The following ADAM8 variants were observed in gnomAD, a reference collection of about 807,000 sequenced individuals.
ADAM8 encodes disintegrin and metalloproteinase domain-containing protein 8.
ADAM8 carries 104 observed loss-of-function variants against 102.4 expected under a neutral mutation model. The observed-to-expected ratio is 1.02, with a 90% CI of 0.87 to 1.20. The LOEUF (loss-of-function observed/expected upper bound fraction) is 1.20. Ranked by LOEUF, ADAM8 falls within the 50% of genes most tolerant of loss-of-function variation. The pLI is 0.00. For missense variants in ADAM8, 1,132 were observed against 1,159.0 expected (o/e 0.98, Z 0.34); for synonymous variants, 517 against 485.2 (o/e 1.07, Z -0.86).
In ADAM8 at chr10:133,275,072, A is replaced by C. The variant is rs538052915; in HGVS notation, c.150+412T>G. 2.1e-5 allele frequency: 6 copies of C among 282,658 alleles called. No homozygotes were observed. The East Asian group carries it at 8.4e-4, about 40-fold the overall frequency. The allele number at this position is 282,658 out of a possible 1,614,324, so 17.5% of individuals were successfully genotyped here. ...CAGGCTTCAGGAATCACCCTCGGGCAGCCCCAGTCGGGGAGGGGGGCATTC... is the reference window on the plus strand; with the variant it reads ...CAGGCTTCAGGAATCACCCTCGGGCCGCCCCAGTCGGGGAGGGGGGCATTC... On this transcript the variant is annotated intron_variant, in intron 2 of 22. Transcript: ENST00000445355.
At position 133,272,093 on chromosome 10, in the gene ADAM8, C is replaced by T. The variant is rs765816834; in HGVS notation, c.957+100G>A. 3 of 1,508,518 alleles carry T rather than the reference C, an allele frequency of 2.0e-6. No homozygotes were observed. The African/African-American group carries it at 4.2e-5, about 21-fold the overall frequency. The allele number at this position is 1,508,518 out of a possible 1,614,324, so 93.4% of individuals were successfully genotyped here. ...CATAAAATCAGGCATTAAACCTGGCCTGAGGGGAGGTGGCCTGCTCCAGAG... is the reference window on the plus strand; with the variant it reads ...CATAAAATCAGGCATTAAACCTGGCTTGAGGGGAGGTGGCCTGCTCCAGAG... On this transcript the variant is annotated intron_variant, in intron 10 of 22. Coordinates refer to ENST00000445355, the MANE Select transcript of ADAM8 (RefSeq NM_001109.5).
Position 133,272,580 on chromosome 10 carries a change from A to T in ADAM8, c.711T>A (p.Tyr237Ter). 1 of 1,608,532 alleles carries T rather than the reference A, an allele frequency of 6.2e-7. No homozygotes were observed. Among genetic ancestry groups the T allele is most frequent in the Non-Finnish European group, 8.5e-7 (1 of 1,178,048 alleles). ...LEVVNHVDKLYQKLNFRVVLV... is the reference protein window; with the variant it reads ...LEVVNHVDKL ...GGACCACACGGAAGTTGAGTTTCTG[A>T]TATAGCTGGAGAGGTGGTGGAGTCC... is the stretch of plus-strand genomic sequence containing the variant. The change falls in exon 9 of 23, where the codon TAT becomes TAA. Residue 237 changes from tyrosine (Y) to a stop codon, truncating the protein, a stop_gained. Coordinates refer to ENST00000445355, the MANE Select transcript of ADAM8 (RefSeq NM_001109.5). LOFTEE classifies it high-confidence loss of function.
intron 19 of ADAM8, 57 bp from the exon 20 acceptor site, chr10:133,268,175 C>T (rs1386291466): frequency 2.4e-6 from 3 of 1,233,410 alleles, no homozygotes; most frequent in Admixed American, 4.1e-5. Context: ...CCCAGCACCA[C>T]ACCCCGAGTC....
chr10:133,264,109 T>C (rs543133716), intron 21 of ADAM8, among the ~76,000 whole-genome samples: 3 of 146,230 alleles, frequency 2.1e-5, no homozygotes, highest in Non-Finnish European at 3.0e-5. Flanking sequence ...TCACCCAGAC[T>C]GGAGTGCAGT....
intron 6 of ADAM8, 83 bp downstream of exon 6, chr10:133,273,171 C>T (rs1029137444): frequency 8.2e-6 from 13 of 1,581,034 alleles, no homozygotes; most frequent in Non-Finnish European, 1.1e-5. Context: ...CAGCACCCAG[C>T]ACATGGGGAG....
rs747891872 is a variant in ADAM8, at chr10:133,270,915, T to G, written c.1530A>C (p.Thr510=). The G allele has an allele frequency of 1.2e-6, 2 of 1,612,556 alleles. No individual in the cohort carries two copies. Among genetic ancestry groups the G allele is most frequent in the South Asian group, 1.1e-5 (1 of 91,068 alleles). ...GGYCYNGACP[T]LAQQCQAFWG... ...AGAAGGCCTGGCACTGCTGGGCCAGTGTGGGACAGGCCCCGTTGTAGCAGT... is the reference window on the plus strand; with the variant it reads ...AGAAGGCCTGGCACTGCTGGGCCAGGGTGGGACAGGCCCCGTTGTAGCAGT... Residue 510 remains threonine (T), a synonymous_variant, in exon 14 of 23, where the codon ACA becomes ACC. Transcript: ENST00000445355.
At chr10:133,266,790 A>G (rs1460013764) in intron 21 of ADAM8, among the ~76,000 whole-genome samples, 1 of 152,154 alleles carries the variant, frequency 6.6e-6, no homozygotes, top group Non-Finnish European at 1.5e-5. Flanking sequence ...GCTGAGGCCA[A>G]TGAGCTGCCC....
At chr10:133,275,337 C>T (rs938279970) in intron 2 of ADAM8, 147 bp downstream of exon 2, 35 of 602,800 alleles carry the variant, frequency 5.8e-5, no homozygotes, top group African/African-American at 4.3e-4. Context: ...GAGGGAGGAA[C>T]GGAGATGGGC....
At chr10:133,267,814 G>A (rs1351772833) in intron 20 of ADAM8, 115 bp downstream of exon 20, 2 of 1,072,122 alleles carry the variant, frequency 1.9e-6, no homozygotes, top group Non-Finnish European at 2.4e-6. Flanking sequence ...GCCACCGCTG[G>A]CCTGTGCGTG....
chr10:133,265,246 C>T (rs1846289768), intron 21 of ADAM8, among the ~76,000 whole-genome samples: 2 of 144,198 alleles, frequency 1.4e-5, no homozygotes, highest in Non-Finnish European at 3.0e-5. Context: ...GCAGCCTCTG[C>T]CCCATCTACC....
chr10:133,276,805 C>G lies in ADAM8; in HGVS notation c.13G>C (p.Gly5Arg). The G allele has an allele frequency of 6.5e-7, 1 of 1,530,022 alleles. No homozygotes were observed. The highest frequency in any genetic ancestry group is 8.8e-7 in the Non-Finnish European group (1 of 1,141,298). 94.8% of individuals were successfully genotyped at this position (1,530,022 alleles called of 1,614,324 possible). The change falls in exon 1 of 23, where the codon GGG (glycine) becomes CGG (arginine). Residue 5 changes from glycine (G) to arginine (R), a missense_variant. Coordinates refer to ENST00000445355, the MANE Select transcript of ADAM8 (RefSeq NM_001109.5). ...ATCATCGCGCCCAGCAGCCAGAGCC[C>G]GAGGCCGCGCATGGCCGGGTCGGGG... MRGL[G>R]LWLLGAMMLP...
Position 133,273,742 on chromosome 10 carries a change from C to T in ADAM8, c.383+20G>A, listed in dbSNP as rs774788598. On this transcript the variant is annotated intron_variant, in intron 5 of 22. Coordinates refer to ENST00000445355, the MANE Select transcript of ADAM8 (RefSeq NM_001109.5). Reference sequence around the variant, plus strand: ...TCCTCTCCACCTGCGGGAGCCCTGGCGTTCGTCCGCCACACCCACCTGAGG... The same window carrying T: ...TCCTCTCCACCTGCGGGAGCCCTGGTGTTCGTCCGCCACACCCACCTGAGG... 1.6e-5 allele frequency: 24 copies of T among 1,544,858 alleles called. No homozygotes were observed. Among genetic ancestry groups the T allele is most frequent in the Middle Eastern group, 4.4e-4 (2 of 4,590 alleles).
At chr10:133,267,542 G>A in intron 20 of ADAM8, 125 bp from the exon 21 acceptor site, 1 of 967,482 alleles carries the variant, frequency 1.0e-6, no homozygotes. Flanking sequence ...GCGGCCCACA[G>A]GGCCCCACCC....
Position 133,271,045 on chromosome 10 carries a change from CG to C in ADAM8, c.1399del (p.Arg467ValfsTer178), listed in dbSNP as rs1846506202. 6.2e-7 allele frequency: 1 copy of C among 1,611,878 alleles called. No homozygotes were observed. ...GAGGTCACACATGTCCTTCTTGGGA[CG>C]GCACAGCTCACCAGCCGGCTTCACC... ...CKVKPAGELC[R>X]PKKDMCDLEE... is the part of the protein sequence containing the mutation. On this transcript the variant is annotated frameshift_variant, in exon 14 of 23. Coordinates refer to ENST00000445355, the MANE Select transcript of ADAM8 (RefSeq NM_001109.5). LOFTEE classifies it high-confidence loss of function.
rs1047521796 is a variant in ADAM8, at chr10:133,275,937, C to T, written c.47-350G>A. The T allele has an allele frequency of 3.7e-5, 9 of 241,830 alleles. No individual in the cohort carries two copies. In the East Asian group the frequency reaches 6.5e-4, roughly 17 times the overall value. The allele number at this position is 241,830 out of a possible 1,614,324, so 15.0% of individuals were successfully genotyped here. A position where few individuals can be genotyped will look rare whatever the true frequency, so the allele number is the denominator to read the frequency against. Reference sequence around the variant, plus strand: ...TCCCCCCAGGGAGGAGGACTCGGGCCGCCGACCTGCCCGTTTCCATTCTCC... The same window carrying T: ...TCCCCCCAGGGAGGAGGACTCGGGCTGCCGACCTGCCCGTTTCCATTCTCC... On this transcript the variant is annotated intron_variant, in intron 1 of 22. Transcript: ENST00000445355.
intron 21 of ADAM8, chr10:133,264,014 C>A: frequency 2.5e-6 from 1 of 394,588 alleles, no homozygotes; most frequent in Non-Finnish European, 4.5e-6. Context: ...ATCCACATCC[C>A]CTAACCAACC....
chr10:133,274,866 C>T, intron 2 of ADAM8: 1 of 434,486 alleles, frequency 2.3e-6, no homozygotes, highest in African/African-American at 2.0e-5. Flanking sequence ...TGGGGCTCGG[C>T]CTGCAGAGCT....
chr10:133,263,660 C>A, intron 22 of ADAM8, 28 bp downstream of exon 22: 1 of 345,656 alleles, frequency 2.9e-6, no homozygotes, highest in Non-Finnish European at 3.7e-6. Context: ...GCACAGTGGA[C>A]TCTGCCTGGT....
chr10:133,274,864 G>C (rs561637526), intron 2 of ADAM8: 1 of 433,654 alleles, frequency 2.3e-6, no homozygotes, highest in Non-Finnish European at 4.7e-6. Context: ...GCTGGGGCTC[G>C]GCCTGCAGAG....
Sources: gnomAD v4.1 joint callset for allele counts (sites outside exome capture counted in the v4.1 genomes callset) on GRCh38, gnomAD v4.1.1 for gene constraint, MANE v1.5 for transcripts, NCBI Gene and HGNC (gene_info 2026-07-23, HGNC 2026-07-21) for gene names.